Variants in NPAS3 observed in about 807,000 individuals in gnomAD.
NPAS3 encodes the protein neuronal PAS domain-containing protein 3.
A neutral mutation model predicts 73.1 loss-of-function variants in NPAS3; 14 were observed. The ratio of observed to expected loss-of-function variants is 0.19; its 90% confidence interval spans 0.13 to 0.30. The LOEUF is 0.30. Among genes scored for constraint, NPAS3 ranks in the 10% least tolerant of loss-of-function variants. NPAS3 has a pLI of 1.00. For synonymous variants in NPAS3, 620 were observed against 541.5 expected (o/e 1.14, Z -2.01); for missense variants, 1,096 against 1,250.0 (o/e 0.88, Z 1.86).
intron 10 of NPAS3, 68 bp from the exon 11 acceptor site, chr14:33,797,389 A>T (rs1363281689): frequency 6.5e-7 from 1 of 1,545,108 alleles, no homozygotes; most frequent in Non-Finnish European, 8.8e-7. Flanking sequence ...GAAGTGGGGG[A>T]GAAGATGGTC....
chr14:33,793,813 A>T, intron 9 of NPAS3, 84 bp from the exon 10 acceptor site: 2 of 1,360,314 alleles, frequency 1.5e-6, no homozygotes, highest in Non-Finnish European at 2.0e-6. Context: ...TTTTAGGCTT[A>T]AGGTTTTGCA....
At chr14:33,350,191 C>T (rs2044967314) in intron 3 of NPAS3, among the ~76,000 whole-genome samples, 1 of 152,136 alleles carries the variant, frequency 6.6e-6, no homozygotes, top group African/African-American at 2.4e-5. Flanking sequence ...TACCTCGGGC[C>T]ATTTCTAAAG....
At chr14:33,235,254 G>A (rs371994288) in intron 3 of NPAS3, among the ~76,000 whole-genome samples, 34 of 151,886 alleles carry the variant, frequency 2.2e-4, no homozygotes, top group African/African-American at 8.0e-4. Flanking sequence ...CTCTTTTTTT[G>A]TCCTTTGTTT....
At chr14:33,684,714 G>C (rs2060038799) in intron 6 of NPAS3, among the ~76,000 whole-genome samples, 1 of 152,160 alleles carries the variant, frequency 6.6e-6, no homozygotes, top group South Asian at 2.1e-4. Flanking sequence ...TCAGCCATAG[G>C]CCTCCCCAGC....
At chr14:33,349,855 C>CG (rs554393035) in intron 3 of NPAS3, among the ~76,000 whole-genome samples, 170 of 152,272 alleles carry the variant, frequency 1.1e-3, no homozygotes, top group African/African-American at 3.6e-3. Flanking sequence ...ACCTTTATAT[C>CG]CTTTTGTACA....
At chr14:33,308,322 G>A (rs1426371103) in intron 3 of NPAS3, among the ~76,000 whole-genome samples, 1 of 151,606 alleles carries the variant, frequency 6.6e-6, no homozygotes, top group Non-Finnish European at 1.5e-5. Flanking sequence ...AACACTTTTT[G>A]GTCTTTATTT....
At chr14:33,407,279 C>G (rs2047708945) in intron 4 of NPAS3, among the ~76,000 whole-genome samples, 2 of 152,092 alleles carry the variant, frequency 1.3e-5, no homozygotes, top group Non-Finnish European at 2.9e-5. Flanking sequence ...CTGTACAACA[C>G]ATATGAGAGC....
intron 6 of NPAS3, among the ~76,000 whole-genome samples, chr14:33,691,526 G>A (rs1160192554): frequency 2.6e-5 from 4 of 152,110 alleles, no homozygotes; most frequent in Non-Finnish European, 5.9e-5. Context: ...TAATGATCAC[G>A]GAAAGGTTTG....
intron 4 of NPAS3, among the ~76,000 whole-genome samples, chr14:33,391,755 CT>C (rs1195652895): frequency 5.9e-5 from 9 of 152,076 alleles, no homozygotes; most frequent in Admixed American, 2.6e-4. Flanking sequence ...GTAGTTAATC[CT>C]ACTGGACACC....
At chr14:33,315,662 G>A (rs1411339563) in intron 3 of NPAS3, among the ~76,000 whole-genome samples, 4 of 151,948 alleles carry the variant, frequency 2.6e-5, no homozygotes, top group African/African-American at 9.7e-5. Context: ...AAGAGATACA[G>A]TATATGTTCT....
chr14:33,541,129 A>G (rs1034883833), intron 4 of NPAS3, among the ~76,000 whole-genome samples: 24 of 109,390 alleles, frequency 2.2e-4, no homozygotes, highest in Admixed American at 3.7e-4. Flanking sequence ...GTGTGTGTGC[A>G]TGCACACACA....
chr14:33,368,310 T>TA (rs66579296), intron 4 of NPAS3, among the ~76,000 whole-genome samples: 15,516 of 144,850 alleles, frequency 0.11, 952 homozygotes, highest in African/African-American at 0.17. Context: ...GATTCTGCGT[T>TA]AAAAAAAAAA....
At chr14:33,361,553 G>A (rs1218342046) in intron 3 of NPAS3, among the ~76,000 whole-genome samples, 2 of 152,178 alleles carry the variant, frequency 1.3e-5, no homozygotes, top group East Asian at 3.8e-4. Context: ...AATTTGCACA[G>A]TCGCCTCATC....
intron 4 of NPAS3, among the ~76,000 whole-genome samples, chr14:33,476,551 C>A (rs1347226268): frequency 6.6e-6 from 1 of 152,154 alleles, no homozygotes; most frequent in East Asian, 1.9e-4. Context: ...AAAAAATACA[C>A]CCCTCTATTG....
intron 2 of NPAS3, among the ~76,000 whole-genome samples, chr14:33,143,730 T>C (rs2044142926): frequency 1.3e-5 from 2 of 152,142 alleles, no homozygotes; most frequent in Non-Finnish European, 2.9e-5. Flanking sequence ...CTATTTCCCC[T>C]GCCCCACCCA....
At chr14:33,296,836 G>A (rs2042321371) in intron 3 of NPAS3, among the ~76,000 whole-genome samples, 1 of 152,182 alleles carries the variant, frequency 6.6e-6, no homozygotes, top group Non-Finnish European at 1.5e-5. Flanking sequence ...AGAAAACTGG[G>A]AGCTACTTAT....
intron 3 of NPAS3, among the ~76,000 whole-genome samples, chr14:33,354,836 C>T (rs938383432): frequency 3.3e-5 from 5 of 152,196 alleles, no homozygotes; most frequent in Non-Finnish European, 7.3e-5. Context: ...GAACCCCTCT[C>T]TACGGTCTTA....
At chr14:33,685,650 C>T (rs1431021061) in intron 6 of NPAS3, among the ~76,000 whole-genome samples, 1 of 152,180 alleles carries the variant, frequency 6.6e-6, no homozygotes, top group Non-Finnish European at 1.5e-5. Context: ...TCAGGAAATT[C>T]TAACTTTGGA....
intron 9 of NPAS3, among the ~76,000 whole-genome samples, chr14:33,791,592 T>C (rs1318710452): frequency 6.6e-6 from 1 of 152,216 alleles, no homozygotes; most frequent in Non-Finnish European, 1.5e-5. Context: ...GCCAAACGTT[T>C]GGCTGGATGT....
Sources: allele counts gnomAD v4.1 joint callset (sites outside exome capture counted in the v4.1 genomes callset), GRCh38; gene constraint gnomAD v4.1.1; transcripts MANE v1.5; gene names NCBI Gene and HGNC (gene_info 2026-07-23, HGNC 2026-07-21).